Variants in SLC24A2 observed in about 807,000 individuals in gnomAD.
SLC24A2 encodes sodium/potassium/calcium exchanger 2.
In SLC24A2, 36 loss-of-function variants were observed where a neutral mutation model predicts 62.0. The observed-to-expected ratio is 0.58, with a 90% CI of 0.44 to 0.77. SLC24A2 has a LOEUF of 0.77. Among genes scored for constraint, SLC24A2 ranks in the 30% least tolerant of loss-of-function variants. The pLI, the probability that SLC24A2 is intolerant of heterozygous loss-of-function variation, is 0.00. For missense variants in SLC24A2, 846 were observed against 817.9 expected, an observed-to-expected ratio of 1.03 and a Z score of -0.42; for synonymous variants, 358 against 294.0, an observed-to-expected ratio of 1.22 and a Z score of -2.23.
the SLC24A2 span, among the ~76,000 whole-genome samples, chr9:20,085,778 A>G: frequency 6.6e-6 from 1 of 152,246 alleles, no homozygotes; most frequent in Non-Finnish European, 1.5e-5. Context: ...AATTTTTTCA[A>G]ATATGCTTTT....
At chr9:19,862,037 G>A in the SLC24A2 span, among the ~76,000 whole-genome samples, 2 of 152,020 alleles carry the variant, frequency 1.3e-5, no homozygotes, top group Non-Finnish European at 2.9e-5. Flanking sequence ...TTATTCAAAG[G>A]GATAATAACA....
the SLC24A2 span, among the ~76,000 whole-genome samples, chr9:20,227,882 A>C: frequency 3.3e-5 from 5 of 152,170 alleles, no homozygotes; most frequent in East Asian, 3.9e-4. Flanking sequence ...TTTCTTCCCA[A>C]AGGAAATGTA....
At chr9:20,183,302 T>C in the SLC24A2 span, among the ~76,000 whole-genome samples, 2 of 152,210 alleles carry the variant, frequency 1.3e-5, no homozygotes, top group Non-Finnish European at 2.9e-5. Context: ...AAGTGCCCTA[T>C]TTTGTATTAT....
intron 8 of SLC24A2, among the ~76,000 whole-genome samples, chr9:19,529,815 A>G (rs1285882560): frequency 6.8e-6 from 1 of 147,530 alleles, no homozygotes; most frequent in Non-Finnish European, 1.5e-5. Flanking sequence ...CAGTGGCATG[A>G]TCTTGGCTCA....
chr9:19,778,313 T>G (rs1422230890), intron 2 of SLC24A2, among the ~76,000 whole-genome samples: 1 of 152,190 alleles, frequency 6.6e-6, no homozygotes, highest in Non-Finnish European at 1.5e-5. Flanking sequence ...TTGCTTTGCC[T>G]TCAAGGTATT....
intron 2 of SLC24A2, among the ~76,000 whole-genome samples, chr9:19,731,072 T>C (rs1821320086): frequency 6.6e-6 from 1 of 152,184 alleles, no homozygotes; most frequent in African/African-American, 2.4e-5. Context: ...TAAAACAAAC[T>C]AGTATACAAC....
At chr9:19,708,097 C>A (rs952674437) in intron 2 of SLC24A2, among the ~76,000 whole-genome samples, 3 of 152,162 alleles carry the variant, frequency 2.0e-5, no homozygotes, top group Non-Finnish European at 4.4e-5. Flanking sequence ...CACAAGCATT[C>A]TTATATACCA....
At chr9:19,947,808 A>AAAAGAAAGAAAG in the SLC24A2 span, among the ~76,000 whole-genome samples, 2,040 of 59,168 alleles carry the variant, frequency 0.034, 94 homozygotes, top group East Asian at 0.067. Flanking sequence ...AAAAAAAAAA[A>AAAAGAAAGAAAG]AAAGAAAGAA....
At chr9:20,080,079 C>G in the SLC24A2 span, among the ~76,000 whole-genome samples, 48 of 152,204 alleles carry the variant, frequency 3.2e-4, no homozygotes, top group Non-Finnish European at 1.5e-5. Flanking sequence ...TCAATGCCAT[C>G]CCCATCAAGC....
At chr9:20,273,268 G>C in the SLC24A2 span, among the ~76,000 whole-genome samples, 2 of 152,184 alleles carry the variant, frequency 1.3e-5, no homozygotes, top group Admixed American at 1.3e-4. Context: ...AGAATTTTCT[G>C]ACCTGCTTCC....
At chr9:20,119,332 T>TG in the SLC24A2 span, among the ~76,000 whole-genome samples, 1 of 152,010 alleles carries the variant, frequency 6.6e-6, no homozygotes, top group Non-Finnish European at 1.5e-5. Context: ...ATCACTACAT[T>TG]TTTTTGTAAT....
the SLC24A2 span, among the ~76,000 whole-genome samples, chr9:19,853,741 G>A: frequency 6.6e-6 from 1 of 152,156 alleles, no homozygotes; most frequent in Admixed American, 6.5e-5. Context: ...TTGCACCGAT[G>A]TTCATCAGGG....
chr9:19,871,658 T>C, the SLC24A2 span, among the ~76,000 whole-genome samples: 1 of 152,202 alleles, frequency 6.6e-6, no homozygotes, highest in Non-Finnish European at 1.5e-5. Context: ...AGTTGTTAAT[T>C]GAAAAAAGGC....
chr9:19,754,955 C>A (rs1240177390), intron 2 of SLC24A2, among the ~76,000 whole-genome samples: 1 of 152,136 alleles, frequency 6.6e-6, no homozygotes, highest in Non-Finnish European at 1.5e-5. Context: ...AAAACCTGAT[C>A]TCTCTTTAAA....
the SLC24A2 span, among the ~76,000 whole-genome samples, chr9:20,298,962 T>A: frequency 6.6e-6 from 1 of 152,202 alleles, no homozygotes; most frequent in African/African-American, 2.4e-5. Flanking sequence ...ACAGGGAGGA[T>A]CCTAGAGGAC....
At chr9:20,299,363 A>C in the SLC24A2 span, among the ~76,000 whole-genome samples, 2,342 of 152,316 alleles carry the variant, frequency 0.015, 66 homozygotes, top group African/African-American at 0.054. Context: ...GAATACACTA[A>C]GGGTGGTCCC....
At chr9:20,255,595 C>T in the SLC24A2 span, among the ~76,000 whole-genome samples, 1 of 151,858 alleles carries the variant, frequency 6.6e-6, no homozygotes, top group Non-Finnish European at 1.5e-5. Flanking sequence ...CAGCGAGGGC[C>T]TCAGTTCCTT....
the SLC24A2 span, among the ~76,000 whole-genome samples, chr9:19,829,808 TATACACACACACACACAC>T: frequency 7.5e-5 from 2 of 26,730 alleles, no homozygotes; most frequent in African/African-American, 1.2e-4. Context: ...TATATATATA[TATACACACACACACACAC>T]ACACACACAC....
the SLC24A2 span, among the ~76,000 whole-genome samples, chr9:19,803,574 T>C: frequency 6.6e-6 from 1 of 152,220 alleles, no homozygotes; most frequent in Non-Finnish European, 1.5e-5. Context: ...TAAGTAACCA[T>C]ATTCAATCGC....
Sources: allele counts gnomAD v4.1 joint callset (sites outside exome capture counted in the v4.1 genomes callset), GRCh38; gene constraint gnomAD v4.1.1; transcripts MANE v1.5; gene names NCBI Gene and HGNC (gene_info 2026-07-23, HGNC 2026-07-21).